DIP2A: variants seen among roughly 807,000 people sequenced by gnomAD.
DIP2A encodes disco-interacting protein 2 homolog A.
A neutral mutation model predicts 177.4 loss-of-function variants in DIP2A; 85 were observed. The ratio of observed to expected loss-of-function variants is 0.48; its 90% CI spans 0.40 to 0.57. The LOEUF is 0.57. DIP2A is among the 20% of genes least tolerant of loss of function. DIP2A has a pLI of 0.00. For missense variants in DIP2A, 1,791 were observed against 2,100.2 expected (o/e 0.85, Z 2.88); for synonymous variants, 886 against 881.8 (o/e 1.00, Z -0.08).
At chr21:46,506,647 A>G (rs1281165421) in intron 6 of DIP2A, among the ~76,000 whole-genome samples, 1 of 149,052 alleles carries the variant, frequency 6.7e-6, no homozygotes, top group East Asian at 2.0e-4. Flanking sequence ...TTATGCACCT[A>G]TTTGCCATCT....
Position 46,543,974 on chromosome 21 carries a change from T to C in DIP2A, c.2177-1163T>C, listed in dbSNP as rs755814308. On this transcript the variant is annotated intron_variant, in intron 18 of 37. Coordinates refer to ENST00000417564, the MANE Select transcript of DIP2A (RefSeq NM_015151.4). ...TTTTTACTGTCTTTGGAGATGAGAA[T>C]ATATTAGAAAAAAACTCAAGAAGAG... Among the ~76,000 whole-genome samples, 11 of 152,194 alleles carry C rather than the reference T, an allele frequency of 7.2e-5. No individual in the cohort carries two copies. In the South Asian group the frequency reaches 8.3e-4, roughly 11 times the overall value.
chr21:46,561,495 C>G, intron 33 of DIP2A: 1 of 564,846 alleles, frequency 1.8e-6, no homozygotes, highest in Non-Finnish European at 3.2e-6. Context: ...CAGGGAGGAC[C>G]TAAACGAAAT....
intron 1 of DIP2A, among the ~76,000 whole-genome samples, chr21:46,474,148 G>A (rs1399120229): frequency 6.6e-6 from 1 of 152,166 alleles, no homozygotes; most frequent in Non-Finnish European, 1.5e-5. Context: ...GAAGTGCACA[G>A]TAAAGGAGGG....
chr21:46,523,342 C>T lies in DIP2A; in HGVS notation c.1103-5750C>T, dbSNP rs1601657048. ...CTCCGCCTCCCAGGTTCAAGCAGTT[C>T]TCCTGCCTCAACCTCCTGAGTAGCT... On this transcript the variant is annotated intron_variant, in intron 8 of 37. Transcript: ENST00000417564. Among the ~76,000 whole-genome samples the T allele has an allele frequency of 2.0e-5, 3 of 151,550 alleles. No individual in the cohort carries two copies. The South Asian group carries it at 6.2e-4, about 32-fold the overall frequency.
intron 2 of DIP2A, among the ~76,000 whole-genome samples, chr21:46,485,679 G>T (rs2056632964): frequency 7.6e-6 from 1 of 131,906 alleles, no homozygotes; most frequent in Non-Finnish European, 1.6e-5. Flanking sequence ...TGATTAATTG[G>T]ACCACATTAA....
At chr21:46,565,354 C>T (rs1471649445) in intron 35 of DIP2A, among the ~76,000 whole-genome samples, 1 of 152,220 alleles carries the variant, frequency 6.6e-6, no homozygotes, top group African/African-American at 2.4e-5. Flanking sequence ...AACCCTCATT[C>T]CTTCAGCCTG....
chr21:46,498,695 G>A lies in DIP2A; in HGVS notation c.517G>A (p.Gly173Ser). 1 of 1,613,828 alleles carries A rather than the reference G, an allele frequency of 6.2e-7. No homozygotes were observed. The highest frequency in any genetic ancestry group is 1.1e-5 in the South Asian group (1 of 91,072). Residue 173 changes from glycine to serine, a missense_variant, in exon 5 of 38, where the codon GGC becomes AGC. By Grantham distance (56) the Gly-to-Ser change is moderately conservative (BLOSUM62 0). Transcript: ENST00000417564. The surrounding 1 kb of genome is among the most constrained non-coding windows in gnomAD (Gnocchi z 4.3). ...GCCCTGGCTCGACCGGGTCATTCAG[G>A]GCTCGTCCACCTCATCCTCTGCATC... ...VEPWLDRVIQ[G>S]SSTSSSASST...
intron 8 of DIP2A, among the ~76,000 whole-genome samples, chr21:46,515,593 A>G (rs73152849): frequency 0.36 from 54,110 of 151,896 alleles, 9,997 homozygotes; most frequent in Middle Eastern, 0.45. Flanking sequence ...CTGGAGTGCA[A>G]GGGCGTGATC....
chr21:46,561,552 C>T (rs535512950), intron 33 of DIP2A, 196 bp from the exon 34 acceptor site: 59 of 705,594 alleles, frequency 8.4e-5, no homozygotes, highest in Admixed American at 5.3e-4. Context: ...CGAGTGCATG[C>T]GGGTGGCGGC....
At chr21:46,526,609 G>A (rs1357561531) in intron 8 of DIP2A, among the ~76,000 whole-genome samples, 1 of 152,048 alleles carries the variant, frequency 6.6e-6, no homozygotes, top group South Asian at 2.1e-4. Context: ...CACCCAGGCT[G>A]GTCTTGAACG....
intron 1 of DIP2A, among the ~76,000 whole-genome samples, chr21:46,464,250 G>A (rs948209647): frequency 5.9e-5 from 9 of 151,672 alleles, no homozygotes; most frequent in Admixed American, 2.6e-4. Context: ...AAAATTAGCC[G>A]GGCGTGGTGG....
chr21:46,498,633 T>C lies in DIP2A; in HGVS notation c.455T>C (p.Leu152Pro). The change falls in exon 5 of 38, where the codon CTC (leucine) becomes CCC (proline). Residue 152 changes from leucine (L) to proline (P), a missense_variant. By Grantham distance (98) the Leu-to-Pro change is moderately conservative. Coordinates refer to ENST00000417564, the MANE Select transcript of DIP2A (RefSeq NM_015151.4). This position sits in a 1 kb window ranked among gnomAD's most constrained non-coding sequence, Gnocchi z 4.3. ...GGCTCTTTACGGCGACCCGGGCGAC[T>C]CACCTCCACTCCGCTCCAGAGCCAT... ...DEGSLRRPGR[L>P]TSTPLQSHSS... 1 of 1,613,312 alleles carries C rather than the reference T, an allele frequency of 6.2e-7. No individual in the cohort carries two copies. Among genetic ancestry groups the C allele is most frequent in the Non-Finnish European group, 8.5e-7 (1 of 1,179,630 alleles).
intron 16 of DIP2A, chr21:46,539,653 T>C: frequency 1.8e-6 from 1 of 556,256 alleles, no homozygotes; most frequent in Non-Finnish European, 3.3e-6. Flanking sequence ...CTTCTGCCCT[T>C]TGGAGCACCA....
intron 4 of DIP2A, among the ~76,000 whole-genome samples, chr21:46,497,395 A>G (rs185679717): frequency 6.6e-6 from 1 of 152,352 alleles, no homozygotes; most frequent in East Asian, 1.9e-4. Context: ...AGAAGAACCT[A>G]AAGCACTAAG....
chr21:46,561,257 G>C (rs1054575770), intron 33 of DIP2A: 3 of 267,844 alleles, frequency 1.1e-5, no homozygotes, highest in African/African-American at 6.8e-5. Context: ...CCATCTACTG[G>C]CAAGAACGTT....
intron 8 of DIP2A, among the ~76,000 whole-genome samples, chr21:46,522,244 G>A (rs55744579): frequency 0.36 from 54,017 of 152,098 alleles, 9,952 homozygotes; most frequent in Middle Eastern, 0.44. Flanking sequence ...TTTTAAACCA[G>A]TTAATCAAAG....
At chr21:46,500,753 G>A (rs2057604739) in intron 5 of DIP2A, among the ~76,000 whole-genome samples, 1 of 152,096 alleles carries the variant, frequency 6.6e-6, no homozygotes. Flanking sequence ...GTGATTGTGG[G>A]GTGTCTTTAA....
intron 8 of DIP2A, among the ~76,000 whole-genome samples, chr21:46,527,778 A>T (rs997870449): frequency 1.3e-4 from 20 of 152,018 alleles, no homozygotes; most frequent in African/African-American, 4.4e-4. Flanking sequence ...CAGGGACTTA[A>T]AGGGCTCAGT....
chr21:46,483,707 A>G (rs752067187), intron 1 of DIP2A, among the ~76,000 whole-genome samples: 2 of 152,198 alleles, frequency 1.3e-5, no homozygotes, highest in African/African-American at 2.4e-5. Flanking sequence ...TAAAGGAAAT[A>G]CTCAATTATG....
Sources: gnomAD v4.1 joint callset for allele counts (sites outside exome capture counted in the v4.1 genomes callset) on GRCh38, gnomAD v4.1.1 for gene constraint, Gnocchi (gnomAD v3.1) non-coding constraint, MANE v1.5 for transcripts, NCBI Gene and HGNC (gene_info 2026-07-23, HGNC 2026-07-21) for gene names.